Variants in ZNF704 observed in about 807,000 individuals in gnomAD.
ZNF704 encodes glucocorticoid induced gene 1.
A neutral mutation model predicts 44.7 loss-of-function variants in ZNF704; 10 were observed. The observed-to-expected ratio is 0.22, with a 90% CI of 0.14 to 0.38. The LOEUF (loss-of-function observed/expected upper bound fraction) is 0.38. ZNF704 is among the 10% of genes least tolerant of loss of function. The probability of loss-of-function intolerance (pLI) is 1.00; values close to 1 mark genes in which losing one functional copy is unlikely to be tolerated. For synonymous variants in ZNF704, 211 were observed against 207.6 expected (o/e 1.02, Z -0.14); for missense variants, 390 against 545.5 (o/e 0.71, Z 2.84).
intron 7 of ZNF704, among the ~76,000 whole-genome samples, chr8:80,657,549 C>T (rs547681946): frequency 1.3e-5 from 2 of 152,018 alleles, no homozygotes; most frequent in African/African-American, 4.8e-5. Context: ...AAAAATTAGC[C>T]AGGTGTGATG....
intron 2 of ZNF704, among the ~76,000 whole-genome samples, chr8:80,774,905 C>A (rs1238934398): frequency 6.6e-6 from 1 of 152,188 alleles, no homozygotes; most frequent in Admixed American, 6.5e-5. Flanking sequence ...CTGGGATACA[C>A]GAAGCGAAAT....
chr8:80,798,192 CAT>C lies in ZNF704; in HGVS notation c.221+23180_221+23181del, dbSNP rs151279208. The stretch of plus-strand genomic sequence containing the variant: ...GTTTATAACAAGAAGGGCCTTTACA[CAT>C]GTTTCCAATACCTTGTTTCTCAGTT... On this transcript the variant is annotated intron_variant, in intron 2 of 8. Coordinates refer to ENST00000327835, the MANE Select transcript of ZNF704 (RefSeq NM_001033723.3). 3.3e-3 allele frequency among the ~76,000 whole-genome samples: 495 copies of C among 152,186 alleles called. 1 individual carries two copies. Among genetic ancestry groups the C allele is most frequent in the African/African-American group, 0.011 (477 of 41,516 alleles).
chr8:80,681,516 G>A (rs545383231), intron 4 of ZNF704, among the ~76,000 whole-genome samples: 3 of 152,228 alleles, frequency 2.0e-5, no homozygotes, highest in East Asian at 3.9e-4. Context: ...CTGAAGCGGC[G>A]TATGAGGAGT....
At chr8:80,665,202 A>G (rs897996618) in intron 5 of ZNF704, 120 bp from the exon 6 acceptor site, 1 of 1,088,752 alleles carries the variant, frequency 9.2e-7, no homozygotes. Flanking sequence ...TGCCTTGCAA[A>G]CTCTTCCTTA....
rs890229177 is a variant in ZNF704 at position 80,636,629 on chromosome 8, T to C, written c.*4737A>G. ...GAACAGGAACAGTCCGTGCCGCTGG[T>C]AGGGCTACTTTCTTAGAGAAATGAA... On this transcript the variant is annotated 3_prime_UTR_variant, in exon 9 of 9. Transcript: ENST00000327835. 2.0e-5 allele frequency: 3 copies of C among 152,228 alleles called. No homozygotes were observed. The highest frequency in any genetic ancestry group is 6.5e-5 in the Admixed American group (1 of 15,280). 9.4% of individuals were successfully genotyped at this position (152,228 alleles called of 1,614,324 possible).
intron 2 of ZNF704, among the ~76,000 whole-genome samples, chr8:80,757,266 C>T (rs1165825661): frequency 6.6e-6 from 1 of 152,066 alleles, no homozygotes; most frequent in African/African-American, 2.4e-5. Flanking sequence ...TATTGATAAT[C>T]CTGACCTTGT....
chr8:80,838,593 GGGAAGAGGA>G (rs1383789669), intron 1 of ZNF704, among the ~76,000 whole-genome samples: 2 of 150,614 alleles, frequency 1.3e-5, no homozygotes, highest in Non-Finnish European at 3.0e-5. Flanking sequence ...GGGGAGGAGG[GGGAAGAGGA>G]GGAAGAGAGC....
At chr8:80,738,483 A>T (rs563333921) in intron 2 of ZNF704, among the ~76,000 whole-genome samples, 7 of 152,292 alleles carry the variant, frequency 4.6e-5, no homozygotes, top group African/African-American at 1.7e-4. Flanking sequence ...CTAGATAAAT[A>T]TATGGCTTAA....
In ZNF704 at chr8:80,701,372, C is replaced by A. The variant is rs113219246; in HGVS notation, c.222-8265G>T. 6.6e-5 allele frequency among the ~76,000 whole-genome samples: 10 copies of A among 151,974 alleles called. No homozygotes were observed. The South Asian group carries it at 1.7e-3, about 25-fold the overall frequency. Reference sequence around the variant, plus strand: ...AGCTCCTGCCAACCCAAGCAGCAGACGCCCTTTCCTCCTAGATTATAGAGA... The same window carrying A: ...AGCTCCTGCCAACCCAAGCAGCAGAAGCCCTTTCCTCCTAGATTATAGAGA... On this transcript the variant is annotated intron_variant, in intron 2 of 8. Coordinates refer to ENST00000327835, the MANE Select transcript of ZNF704 (RefSeq NM_001033723.3).
rs1817589016 is a variant in ZNF704 at position 80,631,741 on chromosome 8, G to A, written c.*9625C>T. 6.6e-6 allele frequency: 1 copy of A among 152,224 alleles called. No individual in the cohort carries two copies. The highest frequency in any genetic ancestry group is 1.5e-5 in the Non-Finnish European group (1 of 68,048). 9.4% of individuals were successfully genotyped at this position (152,224 alleles called of 1,614,324 possible). ...TCTTTTGTGATGAGCGTGGCTGGCT[G>A]TGTGACTAAGCCGCTCTCCTCATGA... On this transcript the variant is annotated 3_prime_UTR_variant, in exon 9 of 9. Coordinates refer to ENST00000327835, the MANE Select transcript of ZNF704 (RefSeq NM_001033723.3).
At chr8:80,721,657 T>C (rs1819168682) in intron 2 of ZNF704, among the ~76,000 whole-genome samples, 1 of 152,202 alleles carries the variant, frequency 6.6e-6, no homozygotes, top group African/African-American at 2.4e-5. Flanking sequence ...AAATGATTTA[T>C]TATGCATTTG....
intron 2 of ZNF704, among the ~76,000 whole-genome samples, chr8:80,765,573 A>G (rs892466043): frequency 6.6e-6 from 1 of 152,208 alleles, no homozygotes; most frequent in Non-Finnish European, 1.5e-5. Context: ...ACTATCCTGC[A>G]TATAGCCGAA....
At chr8:80,666,275 C>T (rs1356643870) in intron 5 of ZNF704, among the ~76,000 whole-genome samples, 5 of 150,596 alleles carry the variant, frequency 3.3e-5, no homozygotes, top group Non-Finnish European at 3.0e-5. Context: ...TCATCCATGT[C>T]CCTACAAAGG....
chr8:80,669,949 A>G (rs968666491), intron 5 of ZNF704, among the ~76,000 whole-genome samples: 3 of 152,262 alleles, frequency 2.0e-5, no homozygotes, highest in Non-Finnish European at 4.4e-5. Flanking sequence ...TGAGCAACAG[A>G]AAGTGATTTC....
chr8:80,693,658 A>G (rs1818678226), intron 2 of ZNF704, among the ~76,000 whole-genome samples: 1 of 152,134 alleles, frequency 6.6e-6, no homozygotes, highest in Non-Finnish European at 1.5e-5. Flanking sequence ...GCAGGGAAGT[A>G]CATCCCAAGC....
chr8:80,834,067 G>A (rs1014514378), intron 1 of ZNF704, among the ~76,000 whole-genome samples: 1 of 152,084 alleles, frequency 6.6e-6, no homozygotes, highest in African/African-American at 2.4e-5. Context: ...GGTGGTATAT[G>A]CCTGTGGTCC....
upstream of ZNF704, among the ~76,000 whole-genome samples, chr8:80,876,887 A>C (rs538564712): frequency 2.9e-4 from 44 of 152,308 alleles, no homozygotes; most frequent in Middle Eastern, 0.01. Context: ...GCTTTTAAAG[A>C]CCAACAACTT....
At chr8:80,861,611 GAGAC>G (rs766885845) in intron 1 of ZNF704, among the ~76,000 whole-genome samples, 15 of 152,100 alleles carry the variant, frequency 9.9e-5, no homozygotes, top group East Asian at 3.8e-4. Context: ...TTAAGAGACA[GAGAC>G]AGACAGAGAA....
At chr8:80,743,230 TA>T (rs1168144319) in intron 2 of ZNF704, among the ~76,000 whole-genome samples, 12 of 80,716 alleles carry the variant, frequency 1.5e-4, no homozygotes, top group African/African-American at 3.4e-4. Flanking sequence ...CCTATTAAAA[TA>T]AAAAAAAAAC....
Sources: allele counts gnomAD v4.1 joint callset (sites outside exome capture counted in the v4.1 genomes callset), GRCh38; gene constraint gnomAD v4.1.1; transcripts MANE v1.5; gene names NCBI Gene and HGNC (gene_info 2026-07-23, HGNC 2026-07-21).